NAALADL2: variants seen among roughly 807,000 people sequenced by gnomAD.
NAALADL2 encodes the protein N-acetylated alpha-linked acidic dipeptidase like 2, also known as inactive N-acetylated-alpha-linked acidic dipeptidase-like protein 2.
In NAALADL2, 76 loss-of-function variants were observed where a neutral mutation model predicts 87.2. The observed-to-expected ratio is 0.87, with a 90% CI of 0.72 to 1.05. The LOEUF is 1.05. Among genes scored for constraint, NAALADL2 ranks in the 50% least tolerant of loss-of-function variants. The pLI is 0.00. For synonymous variants in NAALADL2, 354 were observed against 331.0 expected, an observed-to-expected ratio of 1.07 and a Z score of -0.75; for missense variants, 1,089 against 945.8, an observed-to-expected ratio of 1.15 and a Z score of -1.99.
chr3:174,585,239 T>G (rs1488066630), intron 2 of NAALADL2, among the ~76,000 whole-genome samples: 2 of 152,160 alleles, frequency 1.3e-5, no homozygotes, highest in Non-Finnish European at 2.9e-5. Context: ...AAAAATCCAG[T>G]AGCCAAGGTT....
At chr3:175,139,166 A>T (rs755891453) in intron 2 of NAALADL2, among the ~76,000 whole-genome samples, 2 of 151,624 alleles carry the variant, frequency 1.3e-5, no homozygotes, top group African/African-American at 4.8e-5. Flanking sequence ...AAATATTTTG[A>T]TTAAATATTT....
intron 5 of NAALADL2, among the ~76,000 whole-genome samples, chr3:175,440,096 C>G (rs902809824): frequency 6.6e-6 from 1 of 152,136 alleles, no homozygotes; most frequent in Non-Finnish European, 1.5e-5. Flanking sequence ...TTTTGTTATT[C>G]TACATGTGGC....
In NAALADL2 at chr3:175,286,159, A is replaced by G. The variant is rs142183848; in HGVS notation, c.939+29629A>G. 1.9e-4 allele frequency among the ~76,000 whole-genome samples: 29 copies of G among 152,336 alleles called. No individual in the cohort carries two copies. The East Asian group carries it at 5.6e-3, about 29-fold the overall frequency. On this transcript the variant is annotated intron_variant, in intron 4 of 13. Coordinates refer to ENST00000454872, the MANE Select transcript of NAALADL2 (RefSeq NM_207015.3). ...ATTTTATTATGCACATTTTAGTTAT[A>G]CAGGTTGCCATATTAAGTGGTGTAA...
intron 1 of NAALADL2, among the ~76,000 whole-genome samples, chr3:174,923,827 C>T (rs1735585777): frequency 6.6e-6 from 1 of 152,020 alleles, no homozygotes; most frequent in Non-Finnish European, 1.5e-5. Context: ...TGGTATGGCA[C>T]TGTAGAGGTA....
chr3:175,021,820 A>G (rs1751596483), intron 1 of NAALADL2, among the ~76,000 whole-genome samples: 1 of 152,088 alleles, frequency 6.6e-6, no homozygotes, highest in African/African-American at 2.4e-5. Context: ...CAAAGTTGTT[A>G]AGTACTGCAT....
At chr3:175,246,828 A>G (rs1748074780) in intron 3 of NAALADL2, among the ~76,000 whole-genome samples, 1 of 152,060 alleles carries the variant, frequency 6.6e-6, no homozygotes, top group Admixed American at 6.6e-5. Flanking sequence ...AAAAATCTTT[A>G]CTATTGATGA....
intron 1 of NAALADL2, among the ~76,000 whole-genome samples, chr3:174,941,573 T>C (rs1738599296): frequency 6.6e-6 from 1 of 152,126 alleles, no homozygotes; most frequent in Non-Finnish European, 1.5e-5. Context: ...GCCTTGACAA[T>C]CTCTCTAATA....
chr3:174,744,887 C>A (rs533718802), intron 3 of NAALADL2, among the ~76,000 whole-genome samples: 3 of 152,170 alleles, frequency 2.0e-5, no homozygotes, highest in Admixed American at 6.5e-5. Flanking sequence ...TAAATAAGTT[C>A]TTTGAAACCA....
chr3:175,522,280 G>C (rs1732760018), intron 9 of NAALADL2, among the ~76,000 whole-genome samples: 2 of 152,032 alleles, frequency 1.3e-5, no homozygotes, highest in South Asian at 4.2e-4. Flanking sequence ...ATATTGGCTG[G>C]TGAATAGAAA....
intron 9 of NAALADL2, among the ~76,000 whole-genome samples, chr3:175,565,070 A>G (rs1055586839): frequency 6.6e-6 from 1 of 152,248 alleles, no homozygotes; most frequent in African/African-American, 2.4e-5. Flanking sequence ...GCAGCTTAAC[A>G]GCGCTTTTTC....
At chr3:175,693,023 G>C (rs906957737) in intron 11 of NAALADL2, among the ~76,000 whole-genome samples, 5 of 152,236 alleles carry the variant, frequency 3.3e-5, no homozygotes, top group African/African-American at 7.2e-5. Context: ...TACAGTGAAA[G>C]GATACAGATT....
At position 175,044,841 on chromosome 3, in the gene NAALADL2, C is replaced by T. The variant is rs150486687; in HGVS notation, c.44-51949C>T. On this transcript the variant is annotated intron_variant, in intron 1 of 13. Coordinates refer to ENST00000454872, the MANE Select transcript of NAALADL2 (RefSeq NM_207015.3). ...CTCAGTTGTTACTGCTTCTTATCAC[C>T]GACATTACTCTCTTTATTATATTTT... 4.9e-3 allele frequency among the ~76,000 whole-genome samples: 746 copies of T among 151,982 alleles called. 4 individuals carry two copies. Among genetic ancestry groups the T allele is most frequent in the Middle Eastern group, 0.027 (8 of 294 alleles).
chr3:174,897,389 T>C (rs1168276383), intron 1 of NAALADL2, among the ~76,000 whole-genome samples: 2 of 148,238 alleles, frequency 1.3e-5, no homozygotes, highest in East Asian at 3.9e-4. Flanking sequence ...AAAGACAACA[T>C]ACAAATGGCA....
intron 1 of NAALADL2, among the ~76,000 whole-genome samples, chr3:175,087,402 G>A (rs944714787): frequency 2.0e-5 from 3 of 152,376 alleles, no homozygotes; most frequent in African/African-American, 7.2e-5. Flanking sequence ...CCCCGTCTGG[G>A]AGGTGTACCC....
At chr3:175,356,609 T>TAATAATAATAATAATAATAAA (rs1553872598) in intron 5 of NAALADL2, among the ~76,000 whole-genome samples, 2 of 132,914 alleles carry the variant, frequency 1.5e-5, no homozygotes, top group Non-Finnish European at 3.1e-5. Flanking sequence ...ATAATAATAA[T>TAATAATAATAATAATAATAAA]AAAGAAATAA....
At chr3:175,026,505 A>AT (rs1553919628) in intron 1 of NAALADL2, among the ~76,000 whole-genome samples, 82 of 150,036 alleles carry the variant, frequency 5.5e-4, no homozygotes, top group Admixed American at 3.4e-3. Flanking sequence ...AAAAAAAAAA[A>AT]TTAGCCATAC....
At chr3:175,763,288 A>G (rs556589366) in intron 13 of NAALADL2, among the ~76,000 whole-genome samples, 12 of 152,174 alleles carry the variant, frequency 7.9e-5, no homozygotes, top group Non-Finnish European at 1.3e-4. Context: ...AACTTTTGAC[A>G]TTTAAACTAC....
chr3:175,219,434 C>T (rs1743011226), intron 2 of NAALADL2, among the ~76,000 whole-genome samples: 1 of 152,038 alleles, frequency 6.6e-6, no homozygotes, highest in South Asian at 2.1e-4. Flanking sequence ...GGATGAAAGT[C>T]TTTCATTACA....
chr3:175,766,928 G>A (rs954012211), intron 13 of NAALADL2, among the ~76,000 whole-genome samples: 5 of 152,076 alleles, frequency 3.3e-5, no homozygotes, highest in Non-Finnish European at 7.4e-5. Context: ...AAAATACGGA[G>A]CAAGTATAGC....
Sources: gnomAD v4.1 joint callset for allele counts (sites outside exome capture counted in the v4.1 genomes callset) on GRCh38, gnomAD v4.1.1 for gene constraint, MANE v1.5 for transcripts, NCBI Gene and HGNC (gene_info 2026-07-23, HGNC 2026-07-21) for gene names.